ZNF585A: variants seen among roughly 807,000 people sequenced by gnomAD.
ZNF585A encodes the protein zinc finger protein 585A.
Under a neutral mutation model 14.9 loss-of-function variants are expected in ZNF585A, and 9 were observed. The ratio of observed to expected loss-of-function variants is 0.60; its 90% CI spans 0.36 to 1.05. ZNF585A has a LOEUF of 1.05. Ranked by LOEUF, ZNF585A falls within the 50% of genes least tolerant of loss-of-function variation. ZNF585A has a pLI of 0.01. For missense variants in ZNF585A, 726 were observed against 926.4 expected (o/e 0.78, Z 2.81); for synonymous variants, 276 against 319.9 (o/e 0.86, Z 1.46).
intron 4 of ZNF585A, 142 bp downstream of exon 4, chr19:37,155,723 A>AG: frequency 3.5e-6 from 3 of 853,194 alleles, no homozygotes; most frequent in Non-Finnish European, 3.7e-6. Flanking sequence ...TGAGAGGCCA[A>AG]GGGGGCATCA....
Position 37,170,005 on chromosome 19 carries a change from G to A in ZNF585A, c.-95C>T. On this transcript the variant is annotated 5_prime_UTR_variant, in exon 2 of 5. Transcript: ENST00000292841. ...AGAGCTGCTCTGAAGAGATGGGCTG[G>A]AGTCTAGAGGAAAATCTGGCCCAGG... 6.8e-7 allele frequency: 1 copy of A among 1,467,074 alleles called. No homozygotes were observed. Among genetic ancestry groups the A allele is most frequent in the Non-Finnish European group, 9.2e-7 (1 of 1,088,060 alleles). The allele number at this position is 1,467,074 out of a possible 1,614,324, so 90.9% of individuals were successfully genotyped here.
intron 3 of ZNF585A, 34 bp from the exon 4 acceptor site, chr19:37,155,991 G>C: frequency 6.2e-7 from 1 of 1,613,216 alleles, no homozygotes; most frequent in Non-Finnish European, 8.5e-7. Flanking sequence ...TCTGGGTCCA[G>C]CTAATTGTGT....
rs764546118 is a variant in ZNF585A at position 37,155,925 on chromosome 19, A to G, written c.232T>C (p.Leu78=). 3 of 1,612,874 alleles carry G rather than the reference A, an allele frequency of 1.9e-6. No homozygotes were observed. Among genetic ancestry groups the G allele is most frequent in the Non-Finnish European group, 2.5e-6 (3 of 1,180,000 alleles). The change falls in exon 4 of 5, where the codon TTG becomes CTG. Residue 78 remains leucine (L), a synonymous_variant. Transcript: ENST00000292841. The part of the protein sequence containing the change: ...YQVPEAEVVM[L]EQGKEPWALQ... ...GCCCATGGTTCCTTTCCTTGCTCCA[A>G]CATGACCACCTCTGCTTCAGGAACT...
chr19:37,157,659 G>C (rs1007974279), intron 2 of ZNF585A, among the ~76,000 whole-genome samples: 1 of 152,054 alleles, frequency 6.6e-6, no homozygotes, highest in African/African-American at 2.4e-5. Context: ...AAGAATAAAA[G>C]GTGTAGAGAT....
Position 37,160,937 on chromosome 19 carries a change from C to T in ZNF585A, c.73-4582G>A, listed in dbSNP as rs61143579. Among the ~76,000 whole-genome samples, 1,000 of 152,026 alleles carry T rather than the reference C, an allele frequency of 6.6e-3. 9 individuals carry two copies. Among genetic ancestry groups the T allele is most frequent in the African/African-American group, 0.023 (941 of 41,452 alleles). On this transcript the variant is annotated intron_variant, in intron 2 of 4. Coordinates refer to ENST00000292841, the MANE Select transcript of ZNF585A (RefSeq NM_001288800.2). ...GGCTGAAGAGCAGTGGCGTGATCATCGGTCACTGCAGCCTCGAACTCCTGG... is the reference window on the plus strand; with the variant it reads ...GGCTGAAGAGCAGTGGCGTGATCATTGGTCACTGCAGCCTCGAACTCCTGG...
chr19:37,165,598 G>A (rs1316191537), intron 2 of ZNF585A: 2 of 976,574 alleles, frequency 2.0e-6, no homozygotes, highest in African/African-American at 3.5e-5. Flanking sequence ...AACCTACTAG[G>A]CTATTGTTTT....
At chr19:37,159,952 G>A (rs1427898017) in intron 2 of ZNF585A, among the ~76,000 whole-genome samples, 1 of 152,094 alleles carries the variant, frequency 6.6e-6, no homozygotes, top group Non-Finnish European at 1.5e-5. Flanking sequence ...GTAAAGCAAG[G>A]CTGAGAGGGA....
chr19:37,168,189 A>G (rs1972126919), intron 2 of ZNF585A, among the ~76,000 whole-genome samples: 1 of 152,216 alleles, frequency 6.6e-6, no homozygotes, highest in African/African-American at 2.4e-5. Context: ...TTTTCACCTT[A>G]AATTCCTTTT....
intron 2 of ZNF585A, among the ~76,000 whole-genome samples, chr19:37,167,582 C>CATTTTATTTTATTTTATTT: frequency 6.9e-6 from 1 of 145,786 alleles, no homozygotes; most frequent in African/African-American, 2.7e-5. Context: ...GAGCCTTTTA[C>CATTTTATTTTATTTTATTT]TTTTTATTTT....
intron 1 of ZNF585A, chr19:37,172,244 G>GA (rs1046216378): frequency 1.6e-4 from 25 of 152,132 alleles, no homozygotes; most frequent in Admixed American, 1.5e-3. Context: ...ATGGATCAAA[G>GA]AAAAAACCAC....
intron 2 of ZNF585A, among the ~76,000 whole-genome samples, chr19:37,167,819 T>C (rs1972121024): frequency 6.6e-6 from 1 of 150,724 alleles, no homozygotes; most frequent in Admixed American, 6.6e-5. Context: ...GTCTTCAGTA[T>C]ATGAGTTTCA....
At chr19:37,165,308 CAAGATCACA>C (rs1292000838) in intron 2 of ZNF585A, 1 of 148,768 alleles carries the variant, frequency 6.7e-6, no homozygotes, top group African/African-American at 2.5e-5. Context: ...GTTGCAGAGC[CAAGATCACA>C]TCACTACACT....
intron 2 of ZNF585A, among the ~76,000 whole-genome samples, chr19:37,163,396 T>C (rs188288361): frequency 1.0e-4 from 15 of 147,238 alleles, no homozygotes; most frequent in Admixed American, 8.8e-4. Flanking sequence ...ATTAAGAATA[T>C]AGTGATATAA....
At chr19:37,156,516 C>A (rs925333072) in intron 2 of ZNF585A, among the ~76,000 whole-genome samples, 161 bp from the exon 3 acceptor site, 1 of 152,198 alleles carries the variant, frequency 6.6e-6, no homozygotes, top group African/African-American at 2.4e-5. Flanking sequence ...AATTTTCAAA[C>A]ATACCGACAA....
intron 2 of ZNF585A, among the ~76,000 whole-genome samples, chr19:37,157,308 A>G (rs1476590572): frequency 6.6e-6 from 1 of 152,208 alleles, no homozygotes; most frequent in Non-Finnish European, 1.5e-5. Flanking sequence ...TTTCCTAGCA[A>G]CTGGATGAAT....
chr19:37,151,752 T>G lies in ZNF585A; in HGVS notation c.2147A>C (p.Lys716Thr), dbSNP rs777060263. ...QVHQRIHTGE[K>T]PYVCAECGKA... ...CCCACACTCAGCACACACGTAAGGC[T>G]TCTCTCCAGTGTGAATTCGCTGATG... Residue 716 changes from lysine (K) to threonine (T), a missense_variant, in exon 5 of 5, where the codon AAG becomes ACG. Around this residue, in one of 2 missense-constraint regions of ZNF585A, gnomAD observed 243 missense variants for 383.6 expected, o/e 0.63. Transcript: ENST00000292841. The G allele has an allele frequency of 2.5e-6, 4 of 1,614,114 alleles. No individual in the cohort carries two copies. The highest frequency in any genetic ancestry group is 3.4e-6 in the Non-Finnish European group (4 of 1,180,018).
chr19:37,152,604 T>C lies in ZNF585A; in HGVS notation c.1295A>G (p.His432Arg), dbSNP rs1402048118. The change falls in exon 5 of 5, where the codon CAT becomes CGT. Residue 432 changes from histidine (H) to arginine (R), a missense_variant. Physicochemically the swap from His to Arg is conservative, Grantham distance 29. Coordinates refer to ENST00000292841, the MANE Select transcript of ZNF585A (RefSeq NM_001288800.2). ...ACATTTATGAGGTTTCTCTCCAGTA[T>C]GAATTATTTGATGTGCAATCAAGTG... ...KAHLIAHQII[H>R]TGEKPHKCGH... The C allele has an allele frequency of 6.2e-7, 1 of 1,614,208 alleles. No homozygotes were observed. The highest frequency in any genetic ancestry group is 1.3e-5 in the African/African-American group (1 of 75,058).
At chr19:37,156,701 T>TC (rs199787764) in intron 2 of ZNF585A, among the ~76,000 whole-genome samples, 2,116 of 152,150 alleles carry the variant, frequency 0.014, 49 homozygotes, top group African/African-American at 0.048. Context: ...TTCATTTTTT[T>TC]TTTCTTCCGA....
intron 2 of ZNF585A, among the ~76,000 whole-genome samples, chr19:37,161,950 GT>G (rs750793286): frequency 1.6e-4 from 24 of 152,116 alleles, no homozygotes; most frequent in Non-Finnish European, 3.1e-4. Context: ...TTGAGATGGA[GT>G]TTCACTCTGT....
Sources: allele counts gnomAD v4.1 joint callset (sites outside exome capture counted in the v4.1 genomes callset), GRCh38; gene constraint gnomAD v4.1.1; regional missense constraint gnomAD v4.1.1; transcripts MANE v1.5; gene names NCBI Gene and HGNC (gene_info 2026-07-23, HGNC 2026-07-21).